The following TRPC4 variants were observed in gnomAD, a reference collection of about 807,000 sequenced individuals.
TRPC4 encodes short transient receptor potential channel 4.
In TRPC4, 49 loss-of-function variants were observed where a neutral mutation model predicts 99.4. That is an observed-to-expected ratio of 0.49 (90% CI 0.39 to 0.63). The LOEUF is 0.63. TRPC4 is among the 20% of genes least tolerant of loss of function. The pLI is 0.00. For synonymous variants in TRPC4, 454 were observed against 425.9 expected (o/e 1.07, Z -0.81); for missense variants, 898 against 1,152.9 (o/e 0.78, Z 3.20).
chr13:37,819,185 C>T (rs1220620095), intron 1 of TRPC4, among the ~76,000 whole-genome samples: 1 of 151,878 alleles, frequency 6.6e-6, no homozygotes, highest in African/African-American at 2.4e-5. Context: ...ATTACAGATG[C>T]TGGTGAGGTT....
chr13:37,696,199 C>T (rs1423969119), intron 3 of TRPC4, among the ~76,000 whole-genome samples: 2 of 151,990 alleles, frequency 1.3e-5, no homozygotes, highest in Non-Finnish European at 2.9e-5. Flanking sequence ...ACTTATTCAC[C>T]ATCATGAAAA....
intron 3 of TRPC4, among the ~76,000 whole-genome samples, chr13:37,725,154 G>C (rs926134733): frequency 6.6e-6 from 1 of 152,074 alleles, no homozygotes; most frequent in African/African-American, 2.4e-5. Flanking sequence ...GAAAAAATTA[G>C]TGAACTTGAA....
intron 1 of TRPC4, among the ~76,000 whole-genome samples, chr13:37,792,732 TGTGTG>T (rs749075073): frequency 1.4e-5 from 2 of 139,138 alleles, no homozygotes; most frequent in Non-Finnish European, 3.0e-5. Flanking sequence ...TTTGTGTGTG[TGTGTG>T]TGTGTGTGTG....
chr13:37,705,071 A>T (rs923875348), intron 3 of TRPC4, among the ~76,000 whole-genome samples: 1 of 152,218 alleles, frequency 6.6e-6, no homozygotes, highest in Non-Finnish European at 1.5e-5. Flanking sequence ...GTATCAAAGG[A>T]TAAAGAAGCT....
In TRPC4 at chr13:37,649,726, C is replaced by T. The variant is rs1262882856; in HGVS notation, c.2079+1539G>A. On this transcript the variant is annotated intron_variant, in intron 8 of 10. Transcript: ENST00000379705. ...CAGCCTGGGCAACTGAGCGAGACTCCGTCTCAAAAAAAAAAAAAAAAAAAA... is the reference window on the plus strand; with the variant it reads ...CAGCCTGGGCAACTGAGCGAGACTCTGTCTCAAAAAAAAAAAAAAAAAAAA... 6.3e-5 allele frequency among the ~76,000 whole-genome samples: 5 copies of T among 78,806 alleles called. No individual in the cohort carries two copies. The South Asian group carries it at 1.8e-3, about 28-fold the overall frequency. The allele number at this position is 78,806 out of a possible 152,430, so 51.7% of individuals were successfully genotyped here. A position where few individuals can be genotyped will look rare whatever the true frequency, so the allele number is the denominator to read the frequency against.
intron 1 of TRPC4, among the ~76,000 whole-genome samples, chr13:37,839,793 T>C (rs948014561): frequency 6.6e-6 from 1 of 152,106 alleles, no homozygotes; most frequent in East Asian, 1.9e-4. Flanking sequence ...CCTAGAAAAA[T>C]TGGGGTGGCT....
At chr13:37,672,631 G>A (rs1342221321) in intron 5 of TRPC4, among the ~76,000 whole-genome samples, 1 of 152,162 alleles carries the variant, frequency 6.6e-6, no homozygotes, top group Non-Finnish European at 1.5e-5. Context: ...ATTACTTTTA[G>A]AAGTAGGTCT....
At chr13:37,638,745 A>G (rs931597508) in intron 10 of TRPC4, among the ~76,000 whole-genome samples, 6 of 152,212 alleles carry the variant, frequency 3.9e-5, no homozygotes, top group Non-Finnish European at 8.8e-5. Context: ...TTTCGGATTT[A>G]AAAATCAGGC....
chr13:37,655,313 C>G (rs1483907301), intron 6 of TRPC4, 30 bp from the exon 7 acceptor site: 17 of 1,348,718 alleles, frequency 1.3e-5, no homozygotes. Flanking sequence ...ATACTAATAG[C>G]TATATTAATG....
At chr13:37,675,894 GGGCCTCT>G (rs1216236829) in intron 4 of TRPC4, among the ~76,000 whole-genome samples, 2 of 152,132 alleles carry the variant, frequency 1.3e-5, no homozygotes, top group Admixed American at 1.3e-4. Context: ...ACTGGAGGAA[GGGCCTCT>G]GAGGCATAGA....
At chr13:37,727,562 A>G (rs1434973839) in intron 3 of TRPC4, among the ~76,000 whole-genome samples, 1 of 151,990 alleles carries the variant, frequency 6.6e-6, no homozygotes. Flanking sequence ...ATAAGATGAA[A>G]GCAGAGATAA....
chr13:37,659,942 T>C, intron 6 of TRPC4, among the ~76,000 whole-genome samples: 1 of 152,170 alleles, frequency 6.6e-6, no homozygotes, highest in East Asian at 1.9e-4. Context: ...TTTGATTGAA[T>C]TTAAGTCTTC....
intron 8 of TRPC4, among the ~76,000 whole-genome samples, chr13:37,650,552 G>A (rs977698824): frequency 3.3e-5 from 5 of 149,594 alleles, no homozygotes; most frequent in Non-Finnish European, 7.4e-5. Flanking sequence ...GGCAGTCCCC[G>A]CCCCCTCACC....
At chr13:37,684,104 C>T (rs1953366412) in intron 4 of TRPC4, among the ~76,000 whole-genome samples, 1 of 152,100 alleles carries the variant, frequency 6.6e-6, no homozygotes, top group African/African-American at 2.4e-5. Context: ...AGAATTGTTT[C>T]TCAGTCTTTA....
At chr13:37,742,839 G>A (rs1255064108) in intron 3 of TRPC4, among the ~76,000 whole-genome samples, 3 of 152,052 alleles carry the variant, frequency 2.0e-5, no homozygotes, top group Admixed American at 1.3e-4. Context: ...AATAATTTCT[G>A]AATAACCTAA....
intron 4 of TRPC4, among the ~76,000 whole-genome samples, chr13:37,681,321 GA>G (rs1351944624): frequency 6.6e-5 from 10 of 152,138 alleles, no homozygotes; most frequent in African/African-American, 2.4e-4. Flanking sequence ...TCTGACCTTT[GA>G]AAGGCACAAA....
At chr13:37,727,265 TC>T (rs1471377796) in intron 3 of TRPC4, among the ~76,000 whole-genome samples, 2 of 151,902 alleles carry the variant, frequency 1.3e-5, no homozygotes, top group African/African-American at 4.8e-5. Context: ...AAGTTGGAAG[TC>T]AATATGAAAA....
chr13:37,868,824 A>G (rs1368175542), intron 1 of TRPC4, among the ~76,000 whole-genome samples: 13 of 152,166 alleles, frequency 8.5e-5, no homozygotes, highest in Non-Finnish European at 4.4e-5. Context: ...GGCAGACAAG[A>G]TAAGAGATCC....
At chr13:37,660,714 T>G (rs1389723110) in intron 6 of TRPC4, among the ~76,000 whole-genome samples, 2 of 152,134 alleles carry the variant, frequency 1.3e-5, no homozygotes, top group African/African-American at 4.8e-5. Flanking sequence ...GTTAGGTACT[T>G]TATATGAATT....
Sources: allele counts gnomAD v4.1 joint callset (sites outside exome capture counted in the v4.1 genomes callset), GRCh38; gene constraint gnomAD v4.1.1; transcripts MANE v1.5; gene names NCBI Gene and HGNC (gene_info 2026-07-23, HGNC 2026-07-21).